Variants in ZBBX observed in about 807,000 individuals in gnomAD.
ZBBX encodes the protein zinc finger B-box domain-containing protein 1.
A neutral mutation model predicts 108.5 loss-of-function variants in ZBBX; 101 were observed. The ratio of observed to expected loss-of-function variants is 0.93; its 90% CI spans 0.79 to 1.10. The LOEUF (loss-of-function observed/expected upper bound fraction) is 1.10, where lower values mean the gene tolerates loss of function less well. Ranked by LOEUF, ZBBX falls within the 50% of genes least tolerant of loss-of-function variation. ZBBX has a pLI of 0.00. For missense variants in ZBBX, 1,009 were observed against 941.4 expected, an observed-to-expected ratio of 1.07 and a Z score of -0.94; for synonymous variants, 356 against 323.4, an observed-to-expected ratio of 1.10 and a Z score of -1.08.
chr3:167,283,785 G>A (rs1007818537), intron 19 of ZBBX, among the ~76,000 whole-genome samples: 6 of 152,202 alleles, frequency 3.9e-5, no homozygotes, highest in African/African-American at 1.4e-4. Context: ...TGGGATTACA[G>A]GCGCGTGCCA....
At chr3:167,407,698 T>C (rs577861082) in intron 1 of ZBBX, among the ~76,000 whole-genome samples, 3 of 152,064 alleles carry the variant, frequency 2.0e-5, no homozygotes, top group Admixed American at 2.0e-4. Flanking sequence ...AAGTAGGTAA[T>C]TATAAGGGTC....
the ZBBX span, among the ~76,000 whole-genome samples, chr3:167,195,509 G>A: frequency 4.6e-4 from 70 of 152,228 alleles, 1 homozygote; most frequent in African/African-American, 1.6e-3. Flanking sequence ...TTCAAGATGT[G>A]TAGCTGTGTT....
chr3:167,204,603 G>T, the ZBBX span, among the ~76,000 whole-genome samples: 3 of 149,154 alleles, frequency 2.0e-5, no homozygotes, highest in African/African-American at 7.4e-5. Context: ...AGTATTCCAT[G>T]GTGTATATGT....
the ZBBX span, among the ~76,000 whole-genome samples, chr3:167,209,396 C>A: frequency 1.3e-5 from 2 of 152,052 alleles, no homozygotes; most frequent in Non-Finnish European, 2.9e-5. Context: ...CACAGAGAGA[C>A]TCCATTTCTT....
chr3:167,226,054 A>C, the ZBBX span, among the ~76,000 whole-genome samples: 1 of 151,266 alleles, frequency 6.6e-6, no homozygotes, highest in South Asian at 2.1e-4. Context: ...GCACAACTAT[A>C]AATAGTAGCC....
At chr3:167,373,325 G>T (rs1227965405) in intron 3 of ZBBX, among the ~76,000 whole-genome samples, 1 of 152,122 alleles carries the variant, frequency 6.6e-6, no homozygotes, top group Middle Eastern at 3.2e-3. Context: ...GTGTTTGCAG[G>T]GTGTGAGGGA....
chr3:167,296,133 T>C (rs1281074023), intron 18 of ZBBX, among the ~76,000 whole-genome samples: 1 of 151,942 alleles, frequency 6.6e-6, no homozygotes, highest in Non-Finnish European at 1.5e-5. Flanking sequence ...ACTACATTTA[T>C]AGAATGAAAG....
chr3:167,237,214 G>A (rs1720266597), downstream of ZBBX, among the ~76,000 whole-genome samples: 1 of 151,624 alleles, frequency 6.6e-6, no homozygotes, highest in African/African-American at 2.4e-5. Context: ...CCTGTGTTAT[G>A]TGACATACTC....
intron 20 of ZBBX, among the ~76,000 whole-genome samples, chr3:167,271,914 G>C (rs1409893535): frequency 6.6e-6 from 1 of 152,160 alleles, no homozygotes; most frequent in African/African-American, 2.4e-5. Flanking sequence ...TGAAAATACA[G>C]TGCCTAGATT....
At chr3:167,257,012 T>C (rs546400927) in intron 20 of ZBBX, among the ~76,000 whole-genome samples, 47 of 152,290 alleles carry the variant, frequency 3.1e-4, no homozygotes, top group African/African-American at 1.1e-3. Flanking sequence ...ATGGGTCGTA[T>C]TGTAGCTCTA....
the ZBBX span, among the ~76,000 whole-genome samples, chr3:167,208,417 TGAG>T: frequency 6.6e-6 from 1 of 152,130 alleles, no homozygotes; most frequent in Non-Finnish European, 1.5e-5. Context: ...TCCCTCTCCT[TGAG>T]GAGAAGAGAG....
Position 167,282,493 on chromosome 3 carries a change from G to A in ZBBX, c.1999C>T (p.Gln667Ter). The change falls in exon 20 of 22, where the codon CAG becomes TAG. Residue 667 changes from glutamine (Q) to a stop codon, truncating the protein, a stop_gained and splice_region_variant. Transcript: ENST00000675490. LOFTEE classifies it high-confidence loss of function. ...GCTGTTGAAGGTCTCTGTGATTTCT[G>A]ACCTAAAATTAAAAGTAAAAAGTTT... ...SSSRKQQKMG[Q>*]KSQRPSTANF... is the part of the protein sequence containing the mutation. 6.3e-7 allele frequency: 1 copy of A among 1,593,500 alleles called. No homozygotes were observed. The highest frequency in any genetic ancestry group is 8.5e-7 in the Non-Finnish European group (1 of 1,173,046).
intron 1 of ZBBX, among the ~76,000 whole-genome samples, chr3:167,386,957 A>AT (rs1223413695): frequency 6.6e-6 from 1 of 151,938 alleles, no homozygotes. Context: ...CCAAGGGCAG[A>AT]TTTTTCATTA....
chr3:167,330,419 C>T (rs1738234466), intron 10 of ZBBX, among the ~76,000 whole-genome samples: 1 of 151,936 alleles, frequency 6.6e-6, no homozygotes, highest in South Asian at 2.1e-4. Flanking sequence ...TAGCTGGGAG[C>T]CTATATGGGA....
intron 18 of ZBBX, 32 bp from the exon 19 acceptor site, chr3:167,289,015 G>A: frequency 6.9e-7 from 1 of 1,455,516 alleles, no homozygotes; most frequent in Non-Finnish European, 9.3e-7. Context: ...ATAACATAAA[G>A]TTTGAAAAGA....
intron 8 of ZBBX, among the ~76,000 whole-genome samples, chr3:167,352,791 G>A (rs1417872931): frequency 1.3e-5 from 2 of 150,718 alleles, no homozygotes; most frequent in East Asian, 1.9e-4. Context: ...AATAAAGTGG[G>A]TTTTATCCAG....
intron 18 of ZBBX, among the ~76,000 whole-genome samples, chr3:167,289,232 A>T (rs2108559559): frequency 6.6e-6 from 1 of 152,340 alleles, no homozygotes; most frequent in South Asian, 2.1e-4. Flanking sequence ...ATGAATAAAC[A>T]CATTTGAATA....
In ZBBX at chr3:167,402,785, T is replaced by C. The variant is rs11345536; in HGVS notation, c.-446+4941A>G. On this transcript the variant is annotated intron_variant, in intron 1 of 21. Transcript: ENST00000455345. ...TTATATATCTGTAAACTACAATATG[T>C]AAAAAAAAAAAATAGATGAACTATA... Among the ~76,000 whole-genome samples the C allele has an allele frequency of 2.0e-3, 267 of 134,784 alleles. 1 individual carries two copies. Among genetic ancestry groups the C allele is most frequent in the African/African-American group, 8.9e-3 (255 of 28,552 alleles). The allele number at this position is 134,784 out of a possible 152,430, so 88.4% of individuals were successfully genotyped here. A position where few individuals can be genotyped will look rare whatever the true frequency, so the allele number is the denominator to read the frequency against.
chr3:167,191,896 C>CATATCTATATAT, the ZBBX span, among the ~76,000 whole-genome samples: 3 of 67,950 alleles, frequency 4.4e-5, no homozygotes, highest in African/African-American at 1.9e-4. Context: ...TTACAAAAAT[C>CATATCTATATAT]ATATATATAT....
Sources: gnomAD v4.1 joint callset for allele counts (sites outside exome capture counted in the v4.1 genomes callset) on GRCh38, gnomAD v4.1.1 for gene constraint, MANE v1.5 for transcripts, NCBI Gene and HGNC (gene_info 2026-07-23, HGNC 2026-07-21) for gene names.